Variants in DOCK10 observed in about 807,000 individuals in gnomAD.
DOCK10 encodes dedicator of cytokinesis 10.
Under a neutral mutation model 280.1 loss-of-function variants are expected in DOCK10, and 145 were observed. That is an observed-to-expected ratio of 0.52 (90% CI 0.45 to 0.59). The LOEUF (loss-of-function observed/expected upper bound fraction) is 0.59, where lower values mean the gene tolerates loss of function less well. Ranked by LOEUF, DOCK10 falls within the 20% of genes least tolerant of loss-of-function variation. DOCK10 has a pLI of 0.00. For synonymous variants in DOCK10, 915 were observed against 942.2 expected, an observed-to-expected ratio of 0.97 and a Z score of 0.53; for missense variants, 2,368 against 2,651.7, an observed-to-expected ratio of 0.89 and a Z score of 2.35.
rs184889571 is a variant in DOCK10, at chr2:224,852,782, T to G, written c.2076+153A>C. ...TCCTTAAACACTTCTAAGATAAAAC[T>G]CATCAGTGCCTCTTACTAAACATCT... On this transcript the variant is annotated intron_variant, in intron 17 of 55. Transcript: ENST00000258390. Among the ~76,000 whole-genome samples, 26 of 152,308 alleles carry G rather than the reference T, an allele frequency of 1.7e-4. No individual in the cohort carries two copies. The East Asian group carries it at 4.4e-3, about 26-fold the overall frequency.
At chr2:225,022,660 T>C (rs866127950) in intron 1 of DOCK10, among the ~76,000 whole-genome samples, 5 of 152,338 alleles carry the variant, frequency 3.3e-5, no homozygotes, top group Middle Eastern at 6.8e-3. Context: ...GAAATTACTA[T>C]CTGTCTTTCA....
At chr2:224,796,275 T>C in intron 44 of DOCK10, 41 bp downstream of exon 44, 2 of 1,272,622 alleles carry the variant, frequency 1.6e-6, no homozygotes, top group Non-Finnish European at 2.2e-6. Context: ...ACTTCAGATT[T>C]AAAAAAATTC....
chr2:224,945,932 C>T (rs1703388574), intron 1 of DOCK10, among the ~76,000 whole-genome samples: 1 of 152,128 alleles, frequency 6.6e-6, no homozygotes, highest in African/African-American at 2.4e-5. Context: ...TAGCCCCCCA[C>T]AGAAAAGAAT....
chr2:224,933,710 T>C (rs1184634573), intron 1 of DOCK10, among the ~76,000 whole-genome samples: 1 of 152,224 alleles, frequency 6.6e-6, no homozygotes, highest in African/African-American at 2.4e-5. Context: ...ACAGCAATAG[T>C]CCATGATGTG....
At chr2:224,995,092 C>T (rs1706234000) in intron 1 of DOCK10, among the ~76,000 whole-genome samples, 1 of 152,168 alleles carries the variant, frequency 6.6e-6, no homozygotes. Context: ...GGTTTCTCCA[C>T]AGGGTTGCTT....
chr2:224,984,476 C>T (rs1409058703), intron 1 of DOCK10, among the ~76,000 whole-genome samples: 1 of 152,194 alleles, frequency 6.6e-6, no homozygotes, highest in African/African-American at 2.4e-5. Context: ...GGAATTCACC[C>T]CTATTATTGA....
chr2:224,833,996 T>G (rs575056910), intron 26 of DOCK10, among the ~76,000 whole-genome samples, 154 bp downstream of exon 26: 3 of 152,276 alleles, frequency 2.0e-5, no homozygotes, highest in Non-Finnish European at 4.4e-5. Flanking sequence ...TCTCTTTTGC[T>G]TAGTATCTTT....
intron 11 of DOCK10, among the ~76,000 whole-genome samples, chr2:224,869,372 C>A (rs1351435042): frequency 6.6e-6 from 1 of 152,148 alleles, no homozygotes; most frequent in Non-Finnish European, 1.5e-5. Flanking sequence ...TCATTAAATG[C>A]AGTAGTTGGC....
At chr2:224,891,771 A>G (rs772312195) in intron 4 of DOCK10, among the ~76,000 whole-genome samples, 1 of 152,210 alleles carries the variant, frequency 6.6e-6, no homozygotes, top group African/African-American at 2.4e-5. Flanking sequence ...AATTATGCAG[A>G]CCAGAGACTG....
At chr2:225,034,400 A>G (rs1690166294) in intron 1 of DOCK10, among the ~76,000 whole-genome samples, 1 of 152,242 alleles carries the variant, frequency 6.6e-6, no homozygotes, top group African/African-American at 2.4e-5. Flanking sequence ...AAGAGATTGC[A>G]CAAGTATAGT....
chr2:224,809,396 A>C (rs1421829174), intron 31 of DOCK10, among the ~76,000 whole-genome samples: 1 of 152,162 alleles, frequency 6.6e-6, no homozygotes, highest in Non-Finnish European at 1.5e-5. Flanking sequence ...CAATCAACAA[A>C]ATGAAAAAGC....
chr2:224,848,075 G>A (rs1559551509), intron 19 of DOCK10, among the ~76,000 whole-genome samples: 1 of 152,176 alleles, frequency 6.6e-6, no homozygotes, highest in Non-Finnish European at 1.5e-5. Context: ...AGGCTCAAAA[G>A]CCAAGAAATG....
chr2:224,853,239 A>G, intron 16 of DOCK10, 117 bp from the exon 17 acceptor site: 1 of 808,056 alleles, frequency 1.2e-6, no homozygotes, highest in Non-Finnish European at 1.8e-6. Context: ...TTGTACACCA[A>G]TTGATATTAG....
At chr2:224,843,233 T>G (rs1314744397) in intron 22 of DOCK10, among the ~76,000 whole-genome samples, 1 of 152,052 alleles carries the variant, frequency 6.6e-6, no homozygotes, top group East Asian at 1.9e-4. Context: ...TTGCGGGAAC[T>G]AGGTGGATAT....
intron 14 of DOCK10, chr2:224,861,821 C>T (rs1433677178): frequency 6.6e-6 from 1 of 152,224 alleles, no homozygotes; most frequent in African/African-American, 2.4e-5. Context: ...TGGTCTCGAA[C>T]TCCTGACCTC....
intron 27 of DOCK10, among the ~76,000 whole-genome samples, chr2:224,824,214 C>T (rs948401688): frequency 2.0e-5 from 3 of 152,078 alleles, no homozygotes; most frequent in Non-Finnish European, 2.9e-5. Flanking sequence ...TTTTAACTCC[C>T]TGGTCCCAGT....
At chr2:224,818,118 T>C (rs775871437) in intron 29 of DOCK10, among the ~76,000 whole-genome samples, 8 of 152,200 alleles carry the variant, frequency 5.3e-5, no homozygotes, top group Non-Finnish European at 1.0e-4. Flanking sequence ...TTTAAGCAGA[T>C]GCAGCAGCAC....
At chr2:224,856,734 C>T (rs1427770037) in intron 15 of DOCK10, 126 bp downstream of exon 15, 6 of 848,470 alleles carry the variant, frequency 7.1e-6, no homozygotes, top group Non-Finnish European at 1.0e-5. Context: ...TATGTGAAGT[C>T]ACCTGAAAAA....
chr2:224,880,094 T>C (rs1407930495), intron 7 of DOCK10, among the ~76,000 whole-genome samples: 1 of 152,088 alleles, frequency 6.6e-6, no homozygotes, highest in Non-Finnish European at 1.5e-5. Context: ...TATAAACGAG[T>C]TGATTTGATT....
Sources: allele counts gnomAD v4.1 joint callset (sites outside exome capture counted in the v4.1 genomes callset), GRCh38; gene constraint gnomAD v4.1.1; transcripts MANE v1.5; gene names NCBI Gene and HGNC (gene_info 2026-07-23, HGNC 2026-07-21).